The following PLCZ1 variants were observed in gnomAD, a reference collection of about 807,000 sequenced individuals.
PLCZ1 encodes the protein phospholipase C zeta 1, also known as 1-phosphatidylinositol 4,5-bisphosphate phosphodiesterase zeta-1.
In PLCZ1, 64 loss-of-function variants were observed where a neutral mutation model predicts 76.8. The ratio of observed to expected loss-of-function variants is 0.83; its 90% CI spans 0.68 to 1.03. The LOEUF (loss-of-function observed/expected upper bound fraction) is 1.03, where lower values mean the gene tolerates loss of function less well. Ranked by LOEUF, PLCZ1 falls within the 50% of genes least tolerant of loss-of-function variation. The probability of loss-of-function intolerance (pLI) is 0.00; values close to 1 mark genes in which losing one functional copy is unlikely to be tolerated. For missense variants in PLCZ1, 751 were observed against 713.7 expected (o/e 1.05, Z -0.60); for synonymous variants, 248 against 230.8 (o/e 1.07, Z -0.68).
At chr12:18,711,689 C>T (rs1957368814) in intron 6 of PLCZ1, among the ~76,000 whole-genome samples, 1 of 151,752 alleles carries the variant, frequency 6.6e-6, no homozygotes, top group Non-Finnish European at 1.5e-5. Flanking sequence ...TGGGGAAGAT[C>T]GTGGCGAGAG....
In PLCZ1 at chr12:18,705,248, G is replaced by A; in HGVS notation, c.782C>T (p.Ala261Val). The stretch of plus-strand genomic sequence containing the variant: ...TCCAAAAGTAGCCTGCAAATTGTCT[G>A]CCATTACTTCTTGTTGGGCAGTGGA... ...HCSTAQQEVM[A>V]DNLQATFGES... The change falls in exon 7 of 15, where the codon GCA becomes GTA. Residue 261 changes from alanine (A) to valine (V), a missense_variant. Physicochemically the swap from Ala to Val is moderately conservative, Grantham distance 64 (BLOSUM62 0). Transcript: ENST00000266505. The A allele has an allele frequency of 6.2e-7, 1 of 1,614,006 alleles. No homozygotes were observed. Among genetic ancestry groups the A allele is most frequent in the Non-Finnish European group, 8.5e-7 (1 of 1,179,954 alleles).
chr12:18,686,168 T>C (rs1471314080), intron 13 of PLCZ1, among the ~76,000 whole-genome samples: 1 of 151,920 alleles, frequency 6.6e-6, no homozygotes, highest in African/African-American at 2.4e-5. Context: ...CTTTATACCA[T>C]GACTTTTATA....
In PLCZ1 at chr12:18,684,131, T is replaced by G. The variant is rs753044914; in HGVS notation, c.1740A>C (p.Lys580Asn). Residue 580 changes from lysine (K) to asparagine (N), a missense_variant and splice_region_variant, in exon 14 of 15, where the codon AAA becomes AAC. By Grantham distance (94) the Lys-to-Asn change is moderately conservative. Transcript: ENST00000266505. Reference sequence around the variant, plus strand: ...TCATCTAACTTTTAGGGACATTACCTTTGTTCATGCATAGAAGTGGCAAAG... The same window carrying G: ...TCATCTAACTTTTAGGGACATTACCGTTGTTCATGCATAGAAGTGGCAAAG... ...QYTLPLLCMN[K>N]GYRRIPLFSR... 1 of 1,611,422 alleles carries G rather than the reference T, an allele frequency of 6.2e-7. No homozygotes were observed. Among genetic ancestry groups the G allele is most frequent in the Admixed American group, 1.7e-5 (1 of 59,810 alleles).
In PLCZ1 at chr12:18,712,933, T is replaced by G. The variant is rs1290476185; in HGVS notation, c.623A>C (p.Gln208Pro). 6.2e-7 allele frequency: 1 copy of G among 1,614,004 alleles called. No individual in the cohort carries two copies. The highest frequency in any genetic ancestry group is 8.5e-7 in the Non-Finnish European group (1 of 1,179,890). Residue 208 changes from glutamine to proline, a missense_variant, in exon 6 of 15, where the codon CAA becomes CCA. Transcript: ENST00000266505. Reference sequence around the variant, plus strand: ...GCCATGATATACAACAGGTTCATTTTGTGCTCCATCCCAGCAGTCAATCTC... The same window carrying G: ...GCCATGATATACAACAGGTTCATTTGGTGCTCCATCCCAGCAGTCAATCTC... The part of the protein sequence containing the change: ...CLEIDCWDGA[Q>P]NEPVVYHGYT...
the PLCZ1 span, among the ~76,000 whole-genome samples, chr12:18,661,718 T>C: frequency 6.6e-6 from 1 of 152,094 alleles, no homozygotes; most frequent in East Asian, 1.9e-4. Context: ...AGGTCAGCCA[T>C]TGTGGAAAGC....
At chr12:18,665,044 T>G in the PLCZ1 span, among the ~76,000 whole-genome samples, 5 of 147,464 alleles carry the variant, frequency 3.4e-5, no homozygotes, top group Non-Finnish European at 4.5e-5. Context: ...CATTAGGAAA[T>G]ATACCTAATG....
At chr12:18,727,464 T>C (rs971991587) in intron 3 of PLCZ1, among the ~76,000 whole-genome samples, 1 of 152,186 alleles carries the variant, frequency 6.6e-6, no homozygotes, top group Admixed American at 6.5e-5. Context: ...AAAGTGATCC[T>C]GGAACTGAGT....
downstream of PLCZ1, among the ~76,000 whole-genome samples, chr12:18,678,445 A>G (rs1278272795): frequency 6.6e-6 from 1 of 152,080 alleles, no homozygotes; most frequent in Non-Finnish European, 1.5e-5. Flanking sequence ...AACCATCATG[A>G]TAATTGAGAT....
the PLCZ1 span, among the ~76,000 whole-genome samples, chr12:18,663,395 A>G: frequency 6.6e-6 from 1 of 152,160 alleles, no homozygotes; most frequent in East Asian, 1.9e-4. Flanking sequence ...TATAATAACT[A>G]TTTACATAAC....
At chr12:18,650,738 A>ATATATATATC in the PLCZ1 span, among the ~76,000 whole-genome samples, 5 of 30,824 alleles carry the variant, frequency 1.6e-4, no homozygotes, top group Non-Finnish European at 2.1e-4. Flanking sequence ...ATATATATAT[A>ATATATATATC]TATATATATA....
intron 12 of PLCZ1, among the ~76,000 whole-genome samples, chr12:18,690,427 G>A (rs896620606): frequency 2.0e-5 from 3 of 152,066 alleles, no homozygotes; most frequent in Non-Finnish European, 4.4e-5. Context: ...GTTTCACCAT[G>A]TTAGCCAGGC....
At chr12:18,731,382 G>A (rs1045838266) in intron 3 of PLCZ1, among the ~76,000 whole-genome samples, 1 of 152,044 alleles carries the variant, frequency 6.6e-6, no homozygotes. Context: ...AAAGGCCCAG[G>A]TTCCTTAAGC....
chr12:18,680,743 C>A (rs184087120), downstream of PLCZ1, among the ~76,000 whole-genome samples: 1 of 152,086 alleles, frequency 6.6e-6, no homozygotes, highest in African/African-American at 2.4e-5. Context: ...ACATGGGAAG[C>A]CATAGGGCAT....
intron 12 of PLCZ1, among the ~76,000 whole-genome samples, chr12:18,690,543 A>G (rs1953917563): frequency 6.6e-6 from 1 of 152,176 alleles, no homozygotes; most frequent in African/African-American, 2.4e-5. Context: ...TTATCCTTAA[A>G]GAATCCTCAG....
chr12:18,692,225 T>C (rs564893402), intron 12 of PLCZ1, among the ~76,000 whole-genome samples: 1 of 152,236 alleles, frequency 6.6e-6, no homozygotes, highest in East Asian at 1.9e-4. Context: ...AGGTAGGATC[T>C]GAGATGGTTT....
chr12:18,672,105 G>A, the PLCZ1 span, among the ~76,000 whole-genome samples: 1 of 152,182 alleles, frequency 6.6e-6, no homozygotes, highest in African/African-American at 2.4e-5. Context: ...TCAGATCATA[G>A]CAAAGACAAG....
chr12:18,736,426 G>A (rs1959258586), intron 2 of PLCZ1, 82 bp from the exon 3 acceptor site: 2 of 1,399,326 alleles, frequency 1.4e-6, no homozygotes, highest in Non-Finnish European at 1.9e-6. Flanking sequence ...TTGATTTACT[G>A]TATTATTTTT....
At chr12:18,653,093 ACAGG>A in the PLCZ1 span, among the ~76,000 whole-genome samples, 1 of 152,074 alleles carries the variant, frequency 6.6e-6, no homozygotes, top group African/African-American at 2.4e-5. Context: ...CTCAAAAAGC[ACAGG>A]CTGGAAAAAA....
At chr12:18,646,155 A>G in the PLCZ1 span, among the ~76,000 whole-genome samples, 1 of 152,198 alleles carries the variant, frequency 6.6e-6, no homozygotes, top group African/African-American at 2.4e-5. Flanking sequence ...TTATTATCCC[A>G]GGAAAACTCA....
Sources: gnomAD v4.1 joint callset for allele counts (sites outside exome capture counted in the v4.1 genomes callset) on GRCh38, gnomAD v4.1.1 for gene constraint, MANE v1.5 for transcripts, NCBI Gene and HGNC (gene_info 2026-07-23, HGNC 2026-07-21) for gene names.